CADM2: variants seen among roughly 807,000 people sequenced by gnomAD.
The protein encoded by CADM2 is cell adhesion molecule 2, also known as immunoglobulin superfamily member 4D.
CADM2 carries 12 observed loss-of-function variants against 49.8 expected under a neutral mutation model. The observed-to-expected ratio is 0.24, with a 90% confidence interval of 0.15 to 0.39. CADM2 has a LOEUF of 0.39. Among genes scored for constraint, CADM2 ranks in the 10% least tolerant of loss-of-function variants. The probability of loss-of-function intolerance (pLI) is 1.00; values close to 1 mark genes in which losing one functional copy is unlikely to be tolerated. For missense variants in CADM2, 378 were observed against 492.3 expected, an observed-to-expected ratio of 0.77 and a Z score of 2.20; for synonymous variants, 214 against 175.4, an observed-to-expected ratio of 1.22 and a Z score of -1.74.
intron 3 of CADM2, among the ~76,000 whole-genome samples, chr3:85,878,180 G>T (rs1452504987): frequency 2.0e-5 from 3 of 151,948 alleles, no homozygotes; most frequent in Admixed American, 2.0e-4. Context: ...CAGTTTCTTG[G>T]TCCTTAAGAA....
intron 1 of CADM2, among the ~76,000 whole-genome samples, chr3:85,382,490 C>G (rs1023266207): frequency 6.6e-6 from 1 of 152,160 alleles, no homozygotes; most frequent in Admixed American, 6.5e-5. Flanking sequence ...TGCTTCCTGA[C>G]TCATGATTAC....
intron 3 of CADM2, among the ~76,000 whole-genome samples, chr3:85,846,314 T>G (rs898182985): frequency 2.0e-5 from 3 of 152,186 alleles, no homozygotes; most frequent in African/African-American, 7.2e-5. Context: ...TGCTTAATCA[T>G]TCAGTCAGTA....
intron 3 of CADM2, among the ~76,000 whole-genome samples, chr3:85,838,778 A>T (rs60832455): frequency 0.052 from 7,827 of 151,780 alleles, 558 homozygotes; most frequent in African/African-American, 0.16. Flanking sequence ...GATTGATTTT[A>T]TTTACCCAGT....
chr3:85,096,293 A>G (rs2037791683), intron 1 of CADM2, among the ~76,000 whole-genome samples: 1 of 152,142 alleles, frequency 6.6e-6, no homozygotes, highest in Admixed American at 6.6e-5. Flanking sequence ...CTAGAGCAGC[A>G]TAACATTTCT....
intron 1 of CADM2, among the ~76,000 whole-genome samples, chr3:84,974,841 T>C (rs2031709989): frequency 6.6e-6 from 1 of 151,982 alleles, no homozygotes; most frequent in Non-Finnish European, 1.5e-5. Context: ...TTTTTTATTA[T>C]GTTTTTTAAA....
chr3:85,290,834 G>A (rs961270173), intron 1 of CADM2, among the ~76,000 whole-genome samples: 15 of 152,114 alleles, frequency 9.9e-5, no homozygotes, highest in African/African-American at 3.6e-4. Flanking sequence ...CACAAAGATG[G>A]GGAAAAAACA....
intron 1 of CADM2, among the ~76,000 whole-genome samples, chr3:85,226,370 A>G (rs990490129): frequency 1.3e-5 from 2 of 151,836 alleles, no homozygotes; most frequent in African/African-American, 4.8e-5. Flanking sequence ...TGTGTCCAGG[A>G]ATTTATCCAT....
rs115471603 is a variant in CADM2 at position 85,097,794 on chromosome 3, T to C, written c.61+138126T>C. Among the ~76,000 whole-genome samples, 441 of 152,264 alleles carry C rather than the reference T, an allele frequency of 2.9e-3. 2 individuals carry two copies. The highest frequency in any genetic ancestry group is 0.01 in the African/African-American group (423 of 41,558). Reference sequence around the variant, plus strand: ...TGAGAAAAATAATCTTCAAGTTGAGTGGTCTTTTCCTATGGTTCTTTCATT... The same window carrying C: ...TGAGAAAAATAATCTTCAAGTTGAGCGGTCTTTTCCTATGGTTCTTTCATT... On this transcript the variant is annotated intron_variant, in intron 1 of 9. Transcript: ENST00000383699.
Position 85,701,019 on chromosome 3 carries a change from A to G in CADM2, c.62-25503A>G, listed in dbSNP as rs534712247. On this transcript the variant is annotated intron_variant, in intron 1 of 9. Coordinates refer to ENST00000383699, the MANE Select transcript of CADM2 (RefSeq NM_001167675.2). ...TATTACCTGAGACTGAGTAATTTAA[A>G]AAGTAAAGAAACTTAATTGTCCCAT... 4.6e-4 allele frequency among the ~76,000 whole-genome samples: 70 copies of G among 152,192 alleles called. 1 individual carries two copies. The highest frequency in any genetic ancestry group is 1.6e-3 in the African/African-American group (68 of 41,532).
intron 1 of CADM2, among the ~76,000 whole-genome samples, chr3:85,187,603 A>G (rs2041095375): frequency 6.6e-6 from 1 of 152,248 alleles, no homozygotes; most frequent in South Asian, 2.1e-4. Context: ...GAAAGAGCCA[A>G]GGTAAATTGC....
chr3:85,438,812 A>G (rs755121304), intron 1 of CADM2, among the ~76,000 whole-genome samples: 1 of 152,034 alleles, frequency 6.6e-6, no homozygotes, highest in Non-Finnish European at 1.5e-5. Flanking sequence ...GTCTGGGACT[A>G]AAAGTGTGAG....
chr3:85,221,033 G>C (rs2042033147), intron 1 of CADM2, among the ~76,000 whole-genome samples: 1 of 152,126 alleles, frequency 6.6e-6, no homozygotes, highest in South Asian at 2.1e-4. Context: ...GAAACTGTAG[G>C]AGAATTAATG....
At chr3:85,043,459 C>G (rs534147123) in intron 1 of CADM2, among the ~76,000 whole-genome samples, 1 of 151,684 alleles carries the variant, frequency 6.6e-6, no homozygotes, top group Non-Finnish European at 1.5e-5. Context: ...GCATGAGGAT[C>G]GCTTAAGGCC....
intron 8 of CADM2, among the ~76,000 whole-genome samples, chr3:85,979,662 A>C (rs1199094274): frequency 1.3e-5 from 2 of 151,618 alleles, no homozygotes; most frequent in Non-Finnish European, 3.0e-5. Context: ...CTAGTTTAAT[A>C]TTAATAACTT....
chr3:85,103,877 T>C (rs1045325499), intron 1 of CADM2, among the ~76,000 whole-genome samples: 2 of 152,092 alleles, frequency 1.3e-5, no homozygotes, highest in African/African-American at 2.4e-5. Flanking sequence ...TAGGATGACA[T>C]GTAAAGAAAT....
intron 1 of CADM2, among the ~76,000 whole-genome samples, chr3:84,967,091 G>A (rs2031057909): frequency 6.6e-6 from 1 of 152,012 alleles, no homozygotes; most frequent in South Asian, 2.1e-4. Flanking sequence ...CTTATCTAAA[G>A]TTGTCCTTGA....
At chr3:85,314,147 CA>C (rs1484785304) in intron 1 of CADM2, among the ~76,000 whole-genome samples, 1 of 152,182 alleles carries the variant, frequency 6.6e-6, no homozygotes, top group African/African-American at 2.4e-5. Context: ...CTCGGCCTCC[CA>C]AAGTGCTGGG....
intron 1 of CADM2, among the ~76,000 whole-genome samples, chr3:85,644,550 C>T (rs760440288): frequency 6.6e-5 from 10 of 152,082 alleles, no homozygotes; most frequent in Non-Finnish European, 1.5e-5. Flanking sequence ...CCAGTAGCTG[C>T]AGGGCAGTGA....
intron 1 of CADM2, among the ~76,000 whole-genome samples, chr3:85,606,633 A>G (rs1178751388): frequency 2.0e-5 from 3 of 152,138 alleles, no homozygotes; most frequent in African/African-American, 7.2e-5. Flanking sequence ...CAGGATACCC[A>G]TTTCTCAGAA....
Sources: allele counts gnomAD v4.1 joint callset (sites outside exome capture counted in the v4.1 genomes callset), GRCh38; gene constraint gnomAD v4.1.1; transcripts MANE v1.5; gene names NCBI Gene and HGNC (gene_info 2026-07-23, HGNC 2026-07-21).